The following IKBKB variants were observed in gnomAD, a reference collection of about 807,000 sequenced individuals.
IKBKB encodes the protein inhibitor of nuclear factor kappa B kinase subunit beta.
In IKBKB, 42 loss-of-function variants were observed where a neutral mutation model predicts 113.6. The observed-to-expected ratio is 0.37, with a 90% confidence interval of 0.29 to 0.48. The LOEUF is 0.48. IKBKB is among the 20% of genes least tolerant of loss of function. The pLI is 0.99. For synonymous variants in IKBKB, 296 were observed against 361.3 expected, an observed-to-expected ratio of 0.82 and a Z score of 2.05; for missense variants, 673 against 939.7, an observed-to-expected ratio of 0.72 and a Z score of 3.71.
At chr8:42,288,873 GGAGACT>G in intron 3 of IKBKB, 145 bp downstream of exon 3, 1 of 548,928 alleles carries the variant, frequency 1.8e-6, no homozygotes, top group East Asian at 3.6e-5. Flanking sequence ...CACGAGGTCA[GGAGACT>G]GAGACCATCC....
intron 2 of IKBKB, 42 bp from the exon 3 acceptor site, chr8:42,288,592 C>T (rs759159667): frequency 2.0e-6 from 3 of 1,523,670 alleles, no homozygotes; most frequent in South Asian, 2.3e-5. Flanking sequence ...GGGATTTGGC[C>T]TGCAGCTCGC....
intron 11 of IKBKB, among the ~76,000 whole-genome samples, chr8:42,317,396 C>T (rs1818901007): frequency 6.6e-6 from 1 of 152,136 alleles, no homozygotes; most frequent in South Asian, 2.1e-4. Flanking sequence ...ATAATCATTG[C>T]ATAGGGAAGT....
chr8:42,323,281 A>G (rs575114504), intron 19 of IKBKB, among the ~76,000 whole-genome samples: 2 of 152,384 alleles, frequency 1.3e-5, no homozygotes, highest in South Asian at 4.1e-4. Flanking sequence ...AATTCAGCCC[A>G]CCGTCATGCA....
At position 42,305,216 on chromosome 8, in the gene IKBKB, A is replaced by C. The variant is rs1206733573; in HGVS notation, c.418A>C (p.Arg140=). ...ASALRYLHEN[R]IIHRDLKPEN... ...TGCGCTTAGATACCTTCATGAAAACAGAATCATCCATCGGGATCTAAAGCC... is the reference window on the plus strand; with the variant it reads ...TGCGCTTAGATACCTTCATGAAAACCGAATCATCCATCGGGATCTAAAGCC... The change falls in exon 6 of 22, where the codon AGA becomes CGA. Residue 140 remains arginine (R), a synonymous_variant. Transcript: ENST00000520810. 6.2e-7 allele frequency: 1 copy of C among 1,614,056 alleles called. No homozygotes were observed. The highest frequency in any genetic ancestry group is 1.1e-5 in the South Asian group (1 of 91,070).
intron 19 of IKBKB, chr8:42,325,642 C>T (rs1820592489): frequency 1.9e-6 from 2 of 1,055,944 alleles, no homozygotes; most frequent in Non-Finnish European, 2.3e-6. Context: ...TCGCACATCG[C>T]ACTTCAGCCC....
chr8:42,316,765 A>T lies in IKBKB; in HGVS notation c.986A>T (p.Glu329Val), dbSNP rs1383217642. ...ACCATCCACACCTACCCTGTGACAG[A>T]GGATGAGAGTCTGCAGAGCTTGAAG... ...TGTIHTYPVTEDESLQSLKAR... is the reference protein window; with the variant it reads ...TGTIHTYPVTVDESLQSLKAR... The change falls in exon 11 of 22, where the codon GAG becomes GTG. Residue 329 changes from glutamate (E) to valine (V), a missense_variant. Around this residue, in one of 2 missense-constraint regions of IKBKB, gnomAD observed 506 missense variants for 638.7 expected, o/e 0.79. Coordinates refer to ENST00000520810, the MANE Select transcript of IKBKB (RefSeq NM_001556.3). This position sits in a 1 kb window ranked among gnomAD's most constrained non-coding sequence, Gnocchi z 4.5. 1.2e-6 allele frequency: 2 copies of T among 1,614,146 alleles called. No individual in the cohort carries two copies. Among genetic ancestry groups the T allele is most frequent in the Non-Finnish European group, 8.5e-7 (1 of 1,180,018 alleles).
In IKBKB at chr8:42,317,745, C is replaced by T. The variant is rs201817517; in HGVS notation, c.1214C>T (p.Pro405Leu). The T allele has an allele frequency of 2.5e-6, 4 of 1,612,600 alleles. No homozygotes were observed. The African/African-American group carries it at 5.3e-5, about 22-fold the overall frequency. ...ITYETQISPR[P>L]QPESVSCILQ... The stretch of plus-strand genomic sequence containing the variant: ...TATGAGACTCAGATCTCCCCACGGC[C>T]CCAACCTGAAAGTGTCAGCTGTATC... The change falls in exon 12 of 22, where the codon CCC (proline) becomes CTC (leucine). Residue 405 changes from proline (P) to leucine (L), a missense_variant. Physicochemically the swap from Pro to Leu is moderately conservative, Grantham distance 98 (BLOSUM62 -3). Around this residue, in one of 2 missense-constraint regions of IKBKB, gnomAD observed 506 missense variants for 638.7 expected, o/e 0.79. Coordinates refer to ENST00000520810, the MANE Select transcript of IKBKB (RefSeq NM_001556.3).
intron 4 of IKBKB, among the ~76,000 whole-genome samples, chr8:42,291,935 A>G (rs1418341021): frequency 6.6e-6 from 1 of 152,172 alleles, no homozygotes; most frequent in African/African-American, 2.4e-5. Context: ...CAGTCTCAAG[A>G]AAAAAGATAA....
chr8:42,284,539 GC>G (rs750977797), intron 2 of IKBKB, among the ~76,000 whole-genome samples: 4,438 of 150,390 alleles, frequency 0.03, 84 homozygotes, highest in Non-Finnish European at 0.042. Flanking sequence ...CCGAGGTCGT[GC>G]CACTGCACTC....
Position 42,318,805 on chromosome 8 carries a change from G to A in IKBKB, c.1364+130G>A, listed in dbSNP as rs902118028. The A allele has an allele frequency of 1.1e-5, 10 of 897,346 alleles. No homozygotes were observed. The African/African-American group carries it at 1.4e-4, about 12-fold the overall frequency. 55.6% of individuals were successfully genotyped at this position (897,346 alleles called of 1,614,324 possible). On this transcript the variant is annotated intron_variant, in intron 13 of 21. Transcript: ENST00000520810. ...AGCAACAAAAGGAAGACACTGGTTT[G>A]GATGGACGGGAAGCGGTTGGGTGGG...
intron 20 of IKBKB, among the ~76,000 whole-genome samples, chr8:42,326,807 C>A (rs1468757498): frequency 6.6e-6 from 1 of 152,206 alleles, no homozygotes; most frequent in Non-Finnish European, 1.5e-5. Flanking sequence ...TAGCAGCCCT[C>A]CGCCCGTTCT....
rs896821881 is a variant in IKBKB, at chr8:42,291,187, AT to A, written c.318+925del. Among the ~76,000 whole-genome samples the A allele has an allele frequency of 3.1e-3, 456 of 149,006 alleles. 3 individuals are homozygous for A. The highest frequency in any genetic ancestry group is 5.7e-3 in the Non-Finnish European group (379 of 66,840). ...AAAACTGGAAGCTCTGAACAAAATA[AT>A]TTTTTTTTTTGAGACAAGAGTCTCG... On this transcript the variant is annotated intron_variant, in intron 4 of 21. Coordinates refer to ENST00000520810, the MANE Select transcript of IKBKB (RefSeq NM_001556.3).
chr8:42,290,307 G>A, intron 4 of IKBKB, 34 bp downstream of exon 4: 1 of 1,441,204 alleles, frequency 6.9e-7, no homozygotes, highest in Non-Finnish European at 9.8e-7. Context: ...TGCACAGCCT[G>A]TCTGGGCAGG....
chr8:42,271,442 GC>G lies in IKBKB; in HGVS notation c.-41del. On this transcript the variant is annotated 5_prime_UTR_variant, in exon 1 of 22. The change abolishes the stop of an existing upstream ORF in the 5' untranslated region. Coordinates refer to ENST00000520810, the MANE Select transcript of IKBKB (RefSeq NM_001556.3). ...CCGCCTTCCCCGCCCCGGGGAGCCCGCCCCCTGCCCCGCGTCCCTGCCGACA... is the reference window on the plus strand; with the variant it reads ...CCGCCTTCCCCGCCCCGGGGAGCCCGCCCCTGCCCCGCGTCCCTGCCGACA... 3.4e-6 allele frequency: 3 copies of G among 889,942 alleles called. No homozygotes were observed. Among genetic ancestry groups the G allele is most frequent in the Non-Finnish European group, 3.2e-6 (2 of 624,898 alleles). 55.1% of individuals were successfully genotyped at this position (889,942 alleles called of 1,614,324 possible).
intron 5 of IKBKB, among the ~76,000 whole-genome samples, chr8:42,303,064 A>G (rs989489559): frequency 4.6e-5 from 5 of 107,754 alleles, no homozygotes; most frequent in South Asian, 6.9e-4. Context: ...CGAGAGGGAG[A>G]GAGAGAGAGA....
rs111260460 is a variant in IKBKB, at chr8:42,327,064, G to A, written c.2114+967G>A. On this transcript the variant is annotated intron_variant, in intron 20 of 21. Coordinates refer to ENST00000520810, the MANE Select transcript of IKBKB (RefSeq NM_001556.3). ...TGGTTGCACAGCTCTGTAAATACGCGAAAACCCTTGAATTGTACACTTTAA... is the reference window on the plus strand; with the variant it reads ...TGGTTGCACAGCTCTGTAAATACGCAAAAACCCTTGAATTGTACACTTTAA... Among the ~76,000 whole-genome samples the A allele has an allele frequency of 5.6e-4, 86 of 152,286 alleles. 2 individuals carry two copies. The highest frequency in any genetic ancestry group is 1.7e-3 in the African/African-American group (69 of 41,570).
intron 5 of IKBKB, among the ~76,000 whole-genome samples, chr8:42,298,929 G>A (rs762901404): frequency 6.6e-6 from 1 of 152,078 alleles, no homozygotes; most frequent in South Asian, 2.1e-4. Flanking sequence ...TCGCCTGTCC[G>A]TCCTTCCCTC....
At position 42,316,964 on chromosome 8, in the gene IKBKB, C is replaced by G. The variant is rs763875394; in HGVS notation, c.1125+60C>G. On this transcript the variant is annotated intron_variant, in intron 11 of 21. Coordinates refer to ENST00000520810, the MANE Select transcript of IKBKB (RefSeq NM_001556.3). This position sits in a 1 kb window ranked among gnomAD's most constrained non-coding sequence, Gnocchi z 4.5. Reference sequence around the variant, plus strand: ...CCTTGGCTGTGCCTCCTGGGAAACTCAACACACTTTCAGATTTCAATTCTG... The same window carrying G: ...CCTTGGCTGTGCCTCCTGGGAAACTGAACACACTTTCAGATTTCAATTCTG... 1.4e-6 allele frequency: 2 copies of G among 1,444,416 alleles called. No homozygotes were observed. Among genetic ancestry groups the G allele is most frequent in the Non-Finnish European group, 1.9e-6 (2 of 1,036,302 alleles). 89.5% of individuals were successfully genotyped at this position (1,444,416 alleles called of 1,614,324 possible).
At chr8:42,294,755 C>A (rs554236540) in intron 5 of IKBKB, among the ~76,000 whole-genome samples, 2 of 152,340 alleles carry the variant, frequency 1.3e-5, no homozygotes, top group South Asian at 4.1e-4. Context: ...ATCCCCTGCA[C>A]ATGGCCCGCA....
Sources: gnomAD v4.1 joint callset for allele counts (sites outside exome capture counted in the v4.1 genomes callset) on GRCh38, gnomAD v4.1.1 for gene constraint, gnomAD v4.1.1 regional missense constraint, Gnocchi (gnomAD v3.1) non-coding constraint, MANE v1.5 for transcripts, NCBI Gene and HGNC (gene_info 2026-07-23, HGNC 2026-07-21) for gene names.